The following SLC39A14 variants were observed in gnomAD, a reference collection of about 807,000 sequenced individuals.
SLC39A14 encodes the protein metal cation symporter ZIP14.
SLC39A14 carries 19 observed loss-of-function variants against 45.5 expected under a neutral mutation model. The observed-to-expected ratio is 0.42, with a 90% CI of 0.29 to 0.61. The LOEUF (loss-of-function observed/expected upper bound fraction) is 0.61. SLC39A14 is among the 20% of genes least tolerant of loss of function. The pLI, the probability that SLC39A14 is intolerant of heterozygous loss-of-function variation, is 0.22. For missense variants in SLC39A14, 447 were observed against 616.5 expected (o/e 0.73, Z 2.91); for synonymous variants, 264 against 251.3 (o/e 1.05, Z -0.48).
chr8:22,427,183 C>T (rs569147547), downstream of SLC39A14, among the ~76,000 whole-genome samples: 27 of 151,966 alleles, frequency 1.8e-4, no homozygotes, highest in East Asian at 5.3e-3. Flanking sequence ...CCCAGCTACT[C>T]GGGAGGCTGA....
At chr8:22,377,763 C>T (rs971850604) in intron 1 of SLC39A14, among the ~76,000 whole-genome samples, 2 of 152,160 alleles carry the variant, frequency 1.3e-5, no homozygotes, top group Non-Finnish European at 2.9e-5. Context: ...TTTGACTCAA[C>T]TCGCCTTTGA....
At chr8:22,430,244 T>A (rs1332889548) in intron 8 of SLC39A14, among the ~76,000 whole-genome samples, 1 of 152,210 alleles carries the variant, frequency 6.6e-6, no homozygotes. Context: ...TAATTTAATT[T>A]TTTTTTAGAG....
intron 8 of SLC39A14, among the ~76,000 whole-genome samples, chr8:22,432,949 G>A (rs762324563): frequency 1.3e-5 from 2 of 151,092 alleles, no homozygotes; most frequent in Admixed American, 6.6e-5. Context: ...CATCGTGCTC[G>A]GCCACCTGGC....
At chr8:22,399,159 G>A (rs1452191929) in intron 1 of SLC39A14, among the ~76,000 whole-genome samples, 1 of 152,130 alleles carries the variant, frequency 6.6e-6, no homozygotes, top group Admixed American at 6.6e-5. Context: ...GACTGGAGTG[G>A]CTCTCCAGGG....
At chr8:22,380,898 A>T (rs970419997) in intron 1 of SLC39A14, among the ~76,000 whole-genome samples, 2 of 152,032 alleles carry the variant, frequency 1.3e-5, no homozygotes, top group African/African-American at 4.8e-5. Context: ...GCTAGTCTCA[A>T]ACTCCTGGGC....
chr8:22,391,848 A>G (rs750564718), intron 1 of SLC39A14, among the ~76,000 whole-genome samples: 19 of 152,238 alleles, frequency 1.2e-4, no homozygotes, highest in East Asian at 5.8e-4. Flanking sequence ...GATTACGGGC[A>G]TGAGCCACCG....
intron 1 of SLC39A14, among the ~76,000 whole-genome samples, chr8:22,377,557 A>G (rs560794828): frequency 6.6e-6 from 1 of 152,310 alleles, no homozygotes; most frequent in Admixed American, 6.5e-5. Flanking sequence ...GTTTGTACTG[A>G]TAACGCTTAT....
At chr8:22,416,814 C>T (rs535215739) in intron 7 of SLC39A14, among the ~76,000 whole-genome samples, 28 of 152,252 alleles carry the variant, frequency 1.8e-4, no homozygotes, top group Admixed American at 1.2e-3. Flanking sequence ...CTTTTAGCCC[C>T]ATATGCAGTG....
At chr8:22,389,570 G>A (rs1035539678) in intron 1 of SLC39A14, among the ~76,000 whole-genome samples, 3 of 152,034 alleles carry the variant, frequency 2.0e-5, no homozygotes, top group Non-Finnish European at 4.4e-5. Flanking sequence ...AGCATGCCTC[G>A]CTACTGCTGC....
chr8:22,422,195 G>C lies in SLC39A14; in HGVS notation c.*2497G>C. On this transcript the variant is annotated 3_prime_UTR_variant, in exon 9 of 9. Transcript: ENST00000381237. ...TTAGCAGCTTCGACCTCATTTTCCA[G>C]ATGCACCAGCTCCTATTAATAAGTT... is the stretch of plus-strand genomic sequence containing the variant. The C allele has an allele frequency of 1.0e-6, 1 of 985,334 alleles. No individual in the cohort carries two copies. The highest frequency in any genetic ancestry group is 1.2e-6 in the Non-Finnish European group (1 of 829,816). 61.0% of individuals were successfully genotyped at this position (985,334 alleles called of 1,614,324 possible).
Position 22,404,800 on chromosome 8 carries a change from T to C in SLC39A14, c.90T>C (p.Ala30=), listed in dbSNP as rs1250353730. The part of the protein sequence containing the change: ...GLWRTTPEAH[A]SSLGAPAISA... ...GGAGAACCACCCCTGAGGCTCACGC[T>C]TCATCCCTGGGTGCACCAGCTATCA... is the stretch of plus-strand genomic sequence containing the variant. The change falls in exon 2 of 9, where the codon GCT becomes GCC. Residue 30 remains alanine (A), a synonymous_variant. Transcript: ENST00000381237. The C allele has an allele frequency of 1.2e-6, 2 of 1,613,386 alleles. No individual in the cohort carries two copies. Among genetic ancestry groups the C allele is most frequent in the East Asian group, 2.2e-5 (1 of 44,892 alleles).
chr8:22,373,876 C>T (rs1833066459), intron 1 of SLC39A14, among the ~76,000 whole-genome samples: 1 of 151,962 alleles, frequency 6.6e-6, no homozygotes, highest in Non-Finnish European at 1.5e-5. Context: ...TCTTCTGCCT[C>T]AGCCTCTCAA....
intron 1 of SLC39A14, among the ~76,000 whole-genome samples, chr8:22,374,936 G>A (rs187569781): frequency 2.0e-5 from 3 of 152,012 alleles, no homozygotes; most frequent in African/African-American, 7.2e-5. Flanking sequence ...AGTAGAGATG[G>A]GGTTCCACCA....
intron 1 of SLC39A14, among the ~76,000 whole-genome samples, chr8:22,379,931 A>G (rs1833414168): frequency 1.3e-5 from 1 of 76,856 alleles, no homozygotes; most frequent in African/African-American, 4.1e-5. Flanking sequence ...CCATCTCAAA[A>G]AAAAAAAAAA....
At chr8:22,371,089 C>T (rs1434526194) in intron 1 of SLC39A14, among the ~76,000 whole-genome samples, 9 of 152,296 alleles carry the variant, frequency 5.9e-5, no homozygotes, top group South Asian at 4.1e-4. Flanking sequence ...GAGGCAGAGA[C>T]GCAGAGGCTG....
chr8:22,430,513 G>A (rs1364874207), intron 8 of SLC39A14, among the ~76,000 whole-genome samples: 3 of 152,140 alleles, frequency 2.0e-5, no homozygotes, highest in Non-Finnish European at 4.4e-5. Flanking sequence ...TAAATTTTTG[G>A]TCCAAGCAAC....
At chr8:22,373,645 A>C (rs1381749511) in intron 1 of SLC39A14, among the ~76,000 whole-genome samples, 1 of 152,150 alleles carries the variant, frequency 6.6e-6, no homozygotes, top group Non-Finnish European at 1.5e-5. Flanking sequence ...CAGGGACCCC[A>C]GGTGTCATAT....
chr8:22,399,577 G>A (rs1224288782), intron 1 of SLC39A14, among the ~76,000 whole-genome samples: 1 of 152,242 alleles, frequency 6.6e-6, no homozygotes. Flanking sequence ...GTGGGCGTCA[G>A]TGCCCAGTGC....
chr8:22,371,023 T>A (rs115780731), intron 1 of SLC39A14, among the ~76,000 whole-genome samples: 1,900 of 151,812 alleles, frequency 0.013, 41 homozygotes, highest in African/African-American at 0.043. Context: ...TGTTCCCCCC[T>A]CCCCCCACTA....
Sources: gnomAD v4.1 joint callset for allele counts (sites outside exome capture counted in the v4.1 genomes callset) on GRCh38, gnomAD v4.1.1 for gene constraint, MANE v1.5 for transcripts, NCBI Gene and HGNC (gene_info 2026-07-23, HGNC 2026-07-21) for gene names.